CNBD1: variants seen among roughly 807,000 people sequenced by gnomAD.
The protein encoded by CNBD1 is cyclic nucleotide binding domain containing 1.
Under a neutral mutation model 54.4 loss-of-function variants are expected in CNBD1, and 71 were observed. The observed-to-expected ratio is 1.30, with a 90% CI of 1.08 to 1.59. The LOEUF (loss-of-function observed/expected upper bound fraction) is 1.59. CNBD1 is among the 40% of genes most tolerant of loss of function. The pLI is 0.00. For synonymous variants in CNBD1, 182 were observed against 170.7 expected (o/e 1.07, Z -0.51); for missense variants, 659 against 518.0 (o/e 1.27, Z -2.64).
intron 2 of CNBD1, among the ~76,000 whole-genome samples, chr8:87,411,391 CTATATCATATATA>C (rs1291081139): frequency 6.7e-5 from 3 of 44,992 alleles, no homozygotes; most frequent in African/African-American, 3.7e-4. Context: ...ATTAACCTAG[CTATATCATATATA>C]TATATATATA....
intron 8 of CNBD1, among the ~76,000 whole-genome samples, chr8:87,327,561 G>A (rs929413262): frequency 2.8e-4 from 42 of 152,266 alleles, no homozygotes; most frequent in African/African-American, 7.7e-4. Context: ...GGAGTGACCC[G>A]ATTTTCCAGG....
At chr8:87,282,647 C>G (rs1021022096) in intron 6 of CNBD1, among the ~76,000 whole-genome samples, 2 of 151,664 alleles carry the variant, frequency 1.3e-5, no homozygotes, top group Admixed American at 6.6e-5. Context: ...TTATAATTTC[C>G]TAATTATTAA....
rs139707163 is a variant in CNBD1 at position 87,210,167 on chromosome 8, A to G, written c.577+4029A>G. Among the ~76,000 whole-genome samples, 23 of 152,352 alleles carry G rather than the reference A, an allele frequency of 1.5e-4. No individual in the cohort carries two copies. The East Asian group carries it at 4.4e-3, about 29-fold the overall frequency. On this transcript the variant is annotated intron_variant, in intron 5 of 10. Coordinates refer to ENST00000518476, the MANE Select transcript of CNBD1 (RefSeq NM_173538.3). The stretch of plus-strand genomic sequence containing the variant: ...CTGTAGAAGAAATTTCTAAGCAACA[A>G]AGTGATCAAGATATGGTCTGGCTAT...
intron 4 of CNBD1, among the ~76,000 whole-genome samples, chr8:87,055,210 C>G (rs1447937640): frequency 2.0e-5 from 3 of 152,182 alleles, no homozygotes; most frequent in African/African-American, 4.8e-5. Flanking sequence ...AAGAAGAAAG[C>G]TCTCCACAGC....
chr8:87,020,925 T>C (rs902265476), intron 4 of CNBD1, among the ~76,000 whole-genome samples: 2 of 152,200 alleles, frequency 1.3e-5, no homozygotes, highest in Non-Finnish European at 2.9e-5. Flanking sequence ...AAACTTGGCC[T>C]CCACAATCCT....
At chr8:87,231,837 AC>A (rs1481086498) in intron 5 of CNBD1, among the ~76,000 whole-genome samples, 1 of 152,152 alleles carries the variant, frequency 6.6e-6, no homozygotes, top group East Asian at 1.9e-4. Flanking sequence ...ATGAGTTTAG[AC>A]AAATACTGTA....
Position 87,269,076 on chromosome 8 carries a change from A to G in CNBD1, c.772-15602A>G, listed in dbSNP as rs375155334. Among the ~76,000 whole-genome samples the G allele has an allele frequency of 4.6e-5, 7 of 152,210 alleles. No homozygotes were observed. In the South Asian group the frequency reaches 1.2e-3, roughly 27 times the overall value. The stretch of plus-strand genomic sequence containing the variant: ...TTTAGGTTTTACATTTAAGTCTTTA[A>G]TCCACCTTGAGTTAATTTTTGTATA... On this transcript the variant is annotated intron_variant, in intron 6 of 10. Coordinates refer to ENST00000518476, the MANE Select transcript of CNBD1 (RefSeq NM_173538.3).
chr8:87,048,492 A>C (rs1444228637), intron 4 of CNBD1, among the ~76,000 whole-genome samples: 1 of 152,120 alleles, frequency 6.6e-6, no homozygotes, highest in Non-Finnish European at 1.5e-5. Flanking sequence ...TATTTTTCAT[A>C]AAGACTGTGG....
chr8:87,128,885 C>A (rs1251283005), intron 4 of CNBD1, among the ~76,000 whole-genome samples: 1 of 147,506 alleles, frequency 6.8e-6, no homozygotes, highest in East Asian at 2.0e-4. Flanking sequence ...AAATCCAGAC[C>A]ATCCTGGCCA....
intron 2 of CNBD1, among the ~76,000 whole-genome samples, chr8:87,398,768 T>C (rs1811450959): frequency 6.6e-6 from 1 of 152,012 alleles, no homozygotes; most frequent in Admixed American, 6.6e-5. Flanking sequence ...AGTAAACATA[T>C]TTTGCCTTAA....
intron 4 of CNBD1, among the ~76,000 whole-genome samples, chr8:86,948,663 C>T (rs578216867): frequency 6.6e-6 from 1 of 151,836 alleles, no homozygotes; most frequent in Non-Finnish European, 1.5e-5. Flanking sequence ...GTTATTAATC[C>T]CTTGTCAGAG....
chr8:87,254,728 A>T (rs1807978287), intron 6 of CNBD1, among the ~76,000 whole-genome samples: 1 of 152,302 alleles, frequency 6.6e-6, no homozygotes, highest in South Asian at 2.1e-4. Flanking sequence ...TGTGAAGTGC[A>T]ATAGCACCCA....
chr8:87,367,970 T>A (rs1810676837), intron 10 of CNBD1, among the ~76,000 whole-genome samples: 1 of 151,972 alleles, frequency 6.6e-6, no homozygotes, highest in African/African-American at 2.4e-5. Flanking sequence ...AGGAGTTTGA[T>A]TACCAACATG....
rs1394718041 is a variant in CNBD1, at chr8:87,382,630, C to G, written c.*3C>G. ...GTTTGCCTTTTGCAGTGGCCTAGAT[C>G]TAGAAACAACCTCAGTGAACATTAA... On this transcript the variant is annotated 3_prime_UTR_variant, in exon 11 of 11. Coordinates refer to ENST00000518476, the MANE Select transcript of CNBD1 (RefSeq NM_173538.3). The G allele has an allele frequency of 2.0e-6, 3 of 1,533,386 alleles. No homozygotes were observed. The East Asian group carries it at 7.4e-5, about 38-fold the overall frequency. The allele number at this position is 1,533,386 out of a possible 1,614,324, so 95.0% of individuals were successfully genotyped here.
At chr8:87,084,103 C>T (rs1483103444) in intron 4 of CNBD1, among the ~76,000 whole-genome samples, 1 of 152,160 alleles carries the variant, frequency 6.6e-6, no homozygotes, top group Admixed American at 6.5e-5. Flanking sequence ...AGGATTACAA[C>T]AGTATATTTC....
rs549671009 is a variant in CNBD1, at chr8:87,181,702, T to C, written c.432-24291T>C. Among the ~76,000 whole-genome samples, 5 of 152,328 alleles carry C rather than the reference T, an allele frequency of 3.3e-5. No homozygotes were observed. In the Middle Eastern group the frequency reaches 0.01, roughly 311 times the overall value. ...AAATCTGTTGATTTCTGAGGTTTTTTCCTTGATTTCTACTCTGATACTTAA... is the reference window on the plus strand; with the variant it reads ...AAATCTGTTGATTTCTGAGGTTTTTCCCTTGATTTCTACTCTGATACTTAA... On this transcript the variant is annotated intron_variant, in intron 4 of 10. Coordinates refer to ENST00000518476, the MANE Select transcript of CNBD1 (RefSeq NM_173538.3).
chr8:87,289,672 T>TA (rs1445426545), intron 8 of CNBD1, among the ~76,000 whole-genome samples: 1 of 152,164 alleles, frequency 6.6e-6, no homozygotes, highest in African/African-American at 2.4e-5. Flanking sequence ...TGCAGAAAGA[T>TA]AAAGTATGTG....
chr8:87,297,795 TAATA>T (rs1006631168), intron 8 of CNBD1, among the ~76,000 whole-genome samples: 3 of 152,042 alleles, frequency 2.0e-5, no homozygotes, highest in East Asian at 1.9e-4. Context: ...TATGTTGCAC[TAATA>T]AATCTGTTGA....
rs375908205 is a variant in CNBD1, at chr8:87,085,935, C to T, written c.432-120058C>T. Among the ~76,000 whole-genome samples, 5 of 152,204 alleles carry T rather than the reference C, an allele frequency of 3.3e-5. 1 individual carries two copies. In the East Asian group the frequency reaches 9.7e-4, roughly 29 times the overall value. On this transcript the variant is annotated intron_variant, in intron 4 of 10. Coordinates refer to ENST00000518476, the MANE Select transcript of CNBD1 (RefSeq NM_173538.3). ...CTTAGTTTGCAGTTGTAATGGGTCCCCACCTACATGCTTTTACCCTTGGGC... is the reference window on the plus strand; with the variant it reads ...CTTAGTTTGCAGTTGTAATGGGTCCTCACCTACATGCTTTTACCCTTGGGC...
Sources: gnomAD v4.1 joint callset for allele counts (sites outside exome capture counted in the v4.1 genomes callset) on GRCh38, gnomAD v4.1.1 for gene constraint, MANE v1.5 for transcripts, NCBI Gene and HGNC (gene_info 2026-07-23, HGNC 2026-07-21) for gene names.